KLF12: variants seen among roughly 807,000 people sequenced by gnomAD.
The protein encoded by KLF12 is KLF transcription factor 12.
In KLF12, 9 loss-of-function variants were observed where a neutral mutation model predicts 37.8. That is an observed-to-expected ratio of 0.24 (90% CI 0.14 to 0.42). The LOEUF is 0.42. Among genes scored for constraint, KLF12 ranks in the 10% least tolerant of loss-of-function variants. KLF12 has a pLI of 1.00. For synonymous variants in KLF12, 208 were observed against 202.1 expected, an observed-to-expected ratio of 1.03 and a Z score of -0.25; for missense variants, 411 against 516.0, an observed-to-expected ratio of 0.80 and a Z score of 1.97.
At chr13:73,844,746 T>G (rs1345162382) in intron 4 of KLF12, 1 of 152,210 alleles carries the variant, frequency 6.6e-6, no homozygotes, top group Non-Finnish European at 1.5e-5. Context: ...TACTAGCATT[T>G]TATGAGAAGG....
chr13:74,002,819 TTC>T (rs1892315724), intron 1 of KLF12, among the ~76,000 whole-genome samples: 1 of 152,242 alleles, frequency 6.6e-6, no homozygotes, highest in African/African-American at 2.4e-5. Flanking sequence ...GGCAAACACA[TTC>T]TGTTATCAAT....
the KLF12 span, among the ~76,000 whole-genome samples, chr13:74,195,862 G>A: frequency 1.3e-5 from 2 of 152,124 alleles, no homozygotes; most frequent in Non-Finnish European, 2.9e-5. Context: ...GGGATTACAG[G>A]TGTGAGCTAC....
the KLF12 span, among the ~76,000 whole-genome samples, chr13:74,218,962 GTTTT>G: frequency 5.8e-5 from 7 of 120,184 alleles, no homozygotes; most frequent in Admixed American, 1.7e-4. Flanking sequence ...AAAAATAAGA[GTTTT>G]TTTTTTTTTT....
intron 3 of KLF12, among the ~76,000 whole-genome samples, chr13:73,932,301 G>A (rs1401644495): frequency 4.6e-5 from 7 of 152,034 alleles, no homozygotes. Flanking sequence ...CACTTTCTTC[G>A]CATTTTCTTA....
intron 2 of KLF12, among the ~76,000 whole-genome samples, chr13:73,959,559 A>G (rs1051158963): frequency 1.3e-5 from 2 of 151,262 alleles, no homozygotes; most frequent in Non-Finnish European, 2.9e-5. Flanking sequence ...CTACTAGTAG[A>G]TAAGGATAAG....
intron 1 of KLF12, among the ~76,000 whole-genome samples, chr13:74,107,177 C>T (rs1012800607): frequency 1.2e-4 from 19 of 152,180 alleles, no homozygotes; most frequent in Non-Finnish European, 4.4e-5. Flanking sequence ...GGGTGGAGCA[C>T]CATAACCCAA....
chr13:74,178,107 T>G, the KLF12 span, among the ~76,000 whole-genome samples: 1 of 152,202 alleles, frequency 6.6e-6, no homozygotes, highest in African/African-American at 2.4e-5. Flanking sequence ...TTTTCAGTTC[T>G]GCCAGTTTTT....
the KLF12 span, among the ~76,000 whole-genome samples, chr13:74,235,455 T>C: frequency 1.3e-5 from 2 of 152,212 alleles, no homozygotes; most frequent in Non-Finnish European, 2.9e-5. Flanking sequence ...CATGAAGTGA[T>C]TGAATATCTC....
At chr13:74,221,010 T>G in the KLF12 span, among the ~76,000 whole-genome samples, 10,558 of 151,212 alleles carry the variant, frequency 0.07, 982 homozygotes, top group African/African-American at 0.21. Context: ...TTGTTTGTTT[T>G]TTTTTTTTTT....
intron 1 of KLF12, among the ~76,000 whole-genome samples, chr13:74,047,366 C>T (rs1001947249): frequency 2.6e-5 from 4 of 151,486 alleles, no homozygotes; most frequent in African/African-American, 9.7e-5. Context: ...CCGAGGCAGG[C>T]AGATCACGAG....
the KLF12 span, among the ~76,000 whole-genome samples, chr13:74,233,281 C>G: frequency 6.6e-6 from 1 of 152,112 alleles, no homozygotes; most frequent in South Asian, 2.1e-4. Context: ...TTTGCGACTT[C>G]TTCAGGGCCC....
chr13:74,254,031 G>T, the KLF12 span, among the ~76,000 whole-genome samples: 1 of 152,044 alleles, frequency 6.6e-6, no homozygotes, highest in South Asian at 2.1e-4. Context: ...AGCTGGTTGT[G>T]TATTTGTTTT....
intron 6 of KLF12, among the ~76,000 whole-genome samples, chr13:73,754,284 T>C (rs1878993545): frequency 6.6e-6 from 1 of 152,168 alleles, no homozygotes; most frequent in Admixed American, 6.6e-5. Context: ...AATCAATTCC[T>C]AACACTCAAA....
At chr13:73,904,671 C>A (rs73523223) in intron 3 of KLF12, among the ~76,000 whole-genome samples, 1 of 151,848 alleles carries the variant, frequency 6.6e-6, no homozygotes, top group South Asian at 2.1e-4. Context: ...ACGAGACTAT[C>A]ATGTGATTTC....
At chr13:73,736,439 T>G (rs1016202178) in intron 6 of KLF12, among the ~76,000 whole-genome samples, 4 of 152,216 alleles carry the variant, frequency 2.6e-5, no homozygotes, top group African/African-American at 7.2e-5. Context: ...ATTTTAAAAC[T>G]GTCTGACTCC....
At chr13:74,033,147 A>G (rs897367770) in intron 1 of KLF12, among the ~76,000 whole-genome samples, 50 of 152,326 alleles carry the variant, frequency 3.3e-4, no homozygotes, top group African/African-American at 1.2e-3. Context: ...TAAAAACATT[A>G]AGAAATGAAA....
At chr13:74,168,608 C>A in the KLF12 span, among the ~76,000 whole-genome samples, 8 of 152,292 alleles carry the variant, frequency 5.3e-5, no homozygotes, top group Middle Eastern at 3.4e-3. Flanking sequence ...ATTCAGCAAA[C>A]ACAGTGACTG....
chr13:73,942,395 A>G (rs1000643739), intron 3 of KLF12, among the ~76,000 whole-genome samples: 4 of 152,130 alleles, frequency 2.6e-5, no homozygotes, highest in East Asian at 1.9e-4. Flanking sequence ...GCCAGGCTCT[A>G]TATGAGCTGA....
chr13:73,900,134 C>A (rs376084215), intron 3 of KLF12, among the ~76,000 whole-genome samples: 1 of 152,056 alleles, frequency 6.6e-6, no homozygotes, highest in Admixed American at 6.5e-5. Flanking sequence ...AATCACTTCA[C>A]GTTTATATTA....
Sources: allele counts gnomAD v4.1 joint callset (sites outside exome capture counted in the v4.1 genomes callset), GRCh38; gene constraint gnomAD v4.1.1; transcripts MANE v1.5; gene names NCBI Gene and HGNC (gene_info 2026-07-23, HGNC 2026-07-21).